Variants in COL6A5 observed in about 807,000 individuals in gnomAD.
The protein encoded by COL6A5 is collagen type VI alpha 5 chain.
Under a neutral mutation model 65.6 loss-of-function variants are expected in COL6A5, and 48 were observed. The ratio of observed to expected loss-of-function variants is 0.73; its 90% CI spans 0.58 to 0.93. COL6A5 has a LOEUF of 0.93. COL6A5 is among the 40% of genes least tolerant of loss of function. The probability of loss-of-function intolerance (pLI) is 0.00; values close to 1 mark genes in which losing one functional copy is unlikely to be tolerated. For synonymous variants in COL6A5, 291 were observed against 322.8 expected, an observed-to-expected ratio of 0.90 and a Z score of 1.05; for missense variants, 914 against 928.3, an observed-to-expected ratio of 0.98 and a Z score of 0.20.
At chr3:130,423,096 T>C (rs1937544268) in intron 28 of COL6A5, among the ~76,000 whole-genome samples, 1 of 152,076 alleles carries the variant, frequency 6.6e-6, no homozygotes, top group South Asian at 2.1e-4. Context: ...AAGGCGCGTA[T>C]TAAATCTTGG....
intron 5 of COL6A5, among the ~76,000 whole-genome samples, chr3:130,465,808 G>A (rs1174888503): frequency 1.3e-5 from 2 of 151,984 alleles, no homozygotes; most frequent in Non-Finnish European, 2.9e-5. Flanking sequence ...CATTGTAACG[G>A]TATTCAATAT....
chr3:130,434,950 T>A (rs567325075), intron 1 of COL6A5, among the ~76,000 whole-genome samples: 1 of 152,292 alleles, frequency 6.6e-6, no homozygotes, highest in East Asian at 1.9e-4. Flanking sequence ...TTAATTAGAT[T>A]CCATTTGTCA....
intron 1 of COL6A5, among the ~76,000 whole-genome samples, chr3:130,360,629 T>A (rs1455887026): frequency 6.6e-6 from 1 of 152,130 alleles, no homozygotes; most frequent in Non-Finnish European, 1.5e-5. Context: ...TAACATTGCT[T>A]GCTCATTGGG....
chr3:130,421,030 C>A, intron 25 of COL6A5, 123 bp from the exon 26 acceptor site: 1 of 801,064 alleles, frequency 1.2e-6, no homozygotes, highest in Non-Finnish European at 2.0e-6. Context: ...TCAAGGTCAC[C>A]AATTAGGCCC....
intron 1 of COL6A5, among the ~76,000 whole-genome samples, chr3:130,355,634 T>C (rs1306217608): frequency 1.3e-5 from 2 of 151,702 alleles, no homozygotes; most frequent in African/African-American, 2.4e-5. Context: ...ATAAAAAATA[T>C]ATATACCCAC....
At chr3:130,386,352 CA>C (rs547261288) in intron 5 of COL6A5, among the ~76,000 whole-genome samples, 14 of 151,992 alleles carry the variant, frequency 9.2e-5, no homozygotes, top group Non-Finnish European at 1.3e-4. Context: ...GTAAGCGCTA[CA>C]AAAAAGTTAG....
At chr3:130,381,198 G>C (rs1935982885) in intron 4 of COL6A5, among the ~76,000 whole-genome samples, 1 of 152,114 alleles carries the variant, frequency 6.6e-6, no homozygotes. Context: ...AAGCGCCTAG[G>C]TTAAAACTGG....
chr3:130,469,565 T>A, intron 6 of COL6A5, 84 bp downstream of exon 38: 3 of 1,104,894 alleles, frequency 2.7e-6, no homozygotes, highest in Non-Finnish European at 3.9e-6. Context: ...AGTAAAATGA[T>A]CCTCACTTCA....
intron 5 of COL6A5, among the ~76,000 whole-genome samples, chr3:130,467,402 A>G (rs528985461): frequency 6.6e-6 from 1 of 152,138 alleles, no homozygotes; most frequent in South Asian, 2.1e-4. Context: ...GCATATTTCA[A>G]AATAGCTAGA....
At chr3:130,478,865 T>C (rs1392942378) in intron 7 of COL6A5, among the ~76,000 whole-genome samples, 1 of 152,096 alleles carries the variant, frequency 6.6e-6, no homozygotes, top group Non-Finnish European at 1.5e-5. Context: ...TGTTAGAATG[T>C]TTTGAATTCA....
rs550020056 is a variant in COL6A5, at chr3:130,457,548, A to T, written c.1544+1882A>T. 2.6e-5 allele frequency among the ~76,000 whole-genome samples: 4 copies of T among 152,228 alleles called. No individual in the cohort carries two copies. The East Asian group carries it at 7.7e-4, about 29-fold the overall frequency. ...ATAGCTCTAGCAGGGAAAAAAATGT[A>T]AATCCTACCCCACCCAGTTTCTCCT... On this transcript the variant is annotated intron_variant, in intron 5 of 7. Coordinates refer to ENST00000512836, the Ensembl canonical transcript of COL6A5.
At chr3:130,366,022 A>G (rs1217281156) in intron 1 of COL6A5, among the ~76,000 whole-genome samples, 2 of 152,212 alleles carry the variant, frequency 1.3e-5, no homozygotes, top group Non-Finnish European at 1.5e-5. Context: ...ACCAGACCCC[A>G]TAAGGGTCCT....
rs948438005 is a variant in COL6A5, at chr3:130,406,441, A to C, written c.4479+120A>C. 28 of 729,092 alleles carry C rather than the reference A, an allele frequency of 3.8e-5. No individual in the cohort carries two copies. In the African/African-American group the frequency reaches 4.2e-4, roughly 11 times the overall value. 45.2% of individuals were successfully genotyped at this position (729,092 alleles called of 1,614,324 possible). ...TACAACTGACTTAACCACATAATGAAGGCCTATTGCTACTGAATGTATGCT... is the reference window on the plus strand; with the variant it reads ...TACAACTGACTTAACCACATAATGACGGCCTATTGCTACTGAATGTATGCT... On this transcript the variant is annotated intron_variant and NMD_transcript_variant, in intron 17 of 41. Transcript: ENST00000312481.
rs781522445 is a variant in COL6A5, at chr3:130,414,120, C to A, written c.4750C>A (p.Gln1584Lys). ...AGGCACATTGGGAGCTGAAGGATTACAAGGCCCACAGGTGTGTTGGAATAT... is the reference window on the plus strand; with the variant it reads ...AGGCACATTGGGAGCTGAAGGATTAAAAGGCCCACAGGTGTGTTGGAATAT... The change falls in exon 22 of 42, where the codon CAA (glutamine) becomes AAA (lysine). Residue 1584 changes from glutamine to lysine, a missense_variant and NMD_transcript_variant. Gln to Lys is a moderately conservative substitution (Grantham distance 53). Transcript: ENST00000312481. 6.5e-6 allele frequency: 10 copies of A among 1,550,088 alleles called. No homozygotes were observed. The South Asian group carries it at 1.2e-4, about 18-fold the overall frequency.
intron 4 of COL6A5, 99 bp from the exon 5 acceptor site, chr3:130,384,705 C>G (rs946863954): frequency 2.0e-6 from 2 of 987,840 alleles, no homozygotes; most frequent in African/African-American, 3.3e-5. Flanking sequence ...ACGAAGTCTT[C>G]ATTCTTTAGA....
chr3:130,471,684 T>A, intron 7 of COL6A5: 2 of 1,534,422 alleles, frequency 1.3e-6, no homozygotes, highest in Non-Finnish European at 1.7e-6. Context: ...TACCTCAGAC[T>A]TCTTCCTGGG....
At chr3:130,428,418 A>G (rs1482138268), upstream of COL6A5, among the ~76,000 whole-genome samples, 2 of 152,078 alleles carry the variant, frequency 1.3e-5, no homozygotes, top group Non-Finnish European at 2.9e-5. Context: ...AGGTGTCTAG[A>G]AGGCTGGGGG....
intron 1 of COL6A5, among the ~76,000 whole-genome samples, chr3:130,364,360 A>T (rs1267947819): frequency 6.6e-6 from 1 of 152,224 alleles, no homozygotes; most frequent in Non-Finnish European, 1.5e-5. Flanking sequence ...GTTAGCAGGC[A>T]TTTACTTGCT....
chr3:130,411,894 C>A, intron 20 of COL6A5, among the ~76,000 whole-genome samples: 1 of 152,118 alleles, frequency 6.6e-6, no homozygotes, highest in East Asian at 1.9e-4. Flanking sequence ...TTAAACAAGG[C>A]AACATTGATA....
Sources: allele counts gnomAD v4.1 joint callset (sites outside exome capture counted in the v4.1 genomes callset), GRCh38; gene constraint gnomAD v4.1.1; transcripts MANE v1.5; gene names NCBI Gene and HGNC (gene_info 2026-07-23, HGNC 2026-07-21).